Variants in CADM2 observed in about 807,000 individuals in gnomAD.
CADM2 encodes cell adhesion molecule 2.
CADM2 carries 12 observed loss-of-function variants against 49.8 expected under a neutral mutation model. That is an observed-to-expected ratio of 0.24 (90% CI 0.15 to 0.39). The LOEUF is 0.39. Ranked by LOEUF, CADM2 falls within the 10% of genes least tolerant of loss-of-function variation. The pLI is 1.00. For synonymous variants in CADM2, 214 were observed against 175.4 expected (o/e 1.22, Z -1.74); for missense variants, 378 against 492.3 (o/e 0.77, Z 2.20).
intron 1 of CADM2, among the ~76,000 whole-genome samples, chr3:85,203,493 C>G (rs2107750767): frequency 1.3e-5 from 2 of 152,016 alleles, no homozygotes; most frequent in East Asian, 3.9e-4. Context: ...GGTTGTGGTG[C>G]TCTAAAAAAG....
chr3:85,894,966 C>T (rs922675974), intron 5 of CADM2, among the ~76,000 whole-genome samples: 12 of 152,222 alleles, frequency 7.9e-5, no homozygotes, highest in African/African-American at 2.7e-4. Context: ...TGGAGAACTT[C>T]TGCTAGGGCA....
chr3:85,602,618 G>A (rs1289788479), intron 1 of CADM2, among the ~76,000 whole-genome samples: 1 of 151,736 alleles, frequency 6.6e-6, no homozygotes, highest in Non-Finnish European at 1.5e-5. Flanking sequence ...TTTTAAAATA[G>A]GACATGTATA....
chr3:85,321,091 C>CGTATATAT lies in CADM2; in HGVS notation c.61+361423_61+361424insGTATATAT, dbSNP rs1430604188. 7.7e-5 allele frequency among the ~76,000 whole-genome samples: 5 copies of CGTATATAT among 64,762 alleles called. No individual in the cohort carries two copies. In the South Asian group the frequency reaches 3.6e-3, roughly 46 times the overall value. The allele number at this position is 64,762 out of a possible 152,430, so 42.5% of individuals were successfully genotyped here. The stretch of plus-strand genomic sequence containing the variant: ...TAAATGTACTCATAATAGATATATA[C>CGTATATAT]ATATATATATATATATATATATATA... On this transcript the variant is annotated intron_variant, in intron 1 of 9. Transcript: ENST00000383699.
At chr3:85,832,771 A>AT (rs769171340) in intron 3 of CADM2, among the ~76,000 whole-genome samples, 8 of 151,690 alleles carry the variant, frequency 5.3e-5, no homozygotes, top group Admixed American at 1.3e-4. Flanking sequence ...TTGACTTCTT[A>AT]TTTTTCTATT....
intron 3 of CADM2, among the ~76,000 whole-genome samples, chr3:85,816,225 T>C (rs181595625): frequency 4.6e-5 from 7 of 151,836 alleles, no homozygotes; most frequent in South Asian, 4.2e-4. Context: ...TTTTTTTTTT[T>C]CCTTTTTTTA....
In CADM2 at chr3:85,476,897, A is replaced by AACACACAC. The variant is rs35319709; in HGVS notation, c.62-249601_62-249594dup. Among the ~76,000 whole-genome samples the AACACACAC allele has an allele frequency of 2.7e-3, 394 of 146,010 alleles. 2 individuals carry two copies. Among genetic ancestry groups the AACACACAC allele is most frequent in the African/African-American group, 9.5e-3 (378 of 39,862 alleles). On this transcript the variant is annotated intron_variant, in intron 1 of 9. Coordinates refer to ENST00000383699, the MANE Select transcript of CADM2 (RefSeq NM_001167675.2). ...AATATAGTTAATAGCAAAGATTTTA[A>AACACACAC]ACACACACACACACACACACACACA...
At chr3:86,050,713 C>A (rs184073271) in intron 8 of CADM2, among the ~76,000 whole-genome samples, 124 of 152,280 alleles carry the variant, frequency 8.1e-4, no homozygotes, top group African/African-American at 2.9e-3. Flanking sequence ...AGGCTTGCAC[C>A]CTCTGAATCA....
At chr3:85,683,809 A>G (rs1259180562) in intron 1 of CADM2, among the ~76,000 whole-genome samples, 1 of 152,178 alleles carries the variant, frequency 6.6e-6, no homozygotes, top group Non-Finnish European at 1.5e-5. Flanking sequence ...CAGGTGGTCT[A>G]AATTTTTGTC....
intron 8 of CADM2, chr3:85,993,726 C>T (rs1729047879): frequency 6.6e-6 from 1 of 152,038 alleles, no homozygotes; most frequent in Non-Finnish European, 1.5e-5. Flanking sequence ...TTATACATCT[C>T]CTTTAGAGCT....
intron 1 of CADM2, among the ~76,000 whole-genome samples, chr3:85,154,214 C>G (rs1454430535): frequency 1.3e-5 from 2 of 152,066 alleles, no homozygotes. Context: ...GAATGTATAA[C>G]TAGAATAACC....
chr3:85,218,523 T>C (rs2041979602), intron 1 of CADM2, among the ~76,000 whole-genome samples: 1 of 152,090 alleles, frequency 6.6e-6, no homozygotes, highest in Admixed American at 6.6e-5. Flanking sequence ...GGAGGTAAAG[T>C]GTACAGGCTC....
intron 1 of CADM2, among the ~76,000 whole-genome samples, chr3:85,374,327 C>T (rs929605887): frequency 1.3e-5 from 2 of 152,134 alleles, no homozygotes; most frequent in African/African-American, 4.8e-5. Flanking sequence ...CTTCCAATCT[C>T]TTTGCCAAAG....
At chr3:84,987,460 G>A (rs566142441) in intron 1 of CADM2, among the ~76,000 whole-genome samples, 3 of 152,150 alleles carry the variant, frequency 2.0e-5, no homozygotes, top group African/African-American at 7.2e-5. Flanking sequence ...CTGACATCCT[G>A]AATTCCTTTT....
In CADM2 at chr3:85,734,719, A is replaced by G. The variant is rs192989410; in HGVS notation, c.88+8171A>G. ...TATATATTTTAAATATAATGTGTAT[A>G]TCTTTTTAAATATAATATGTATACA... On this transcript the variant is annotated intron_variant, in intron 2 of 9. Coordinates refer to ENST00000383699, the MANE Select transcript of CADM2 (RefSeq NM_001167675.2). 2.0e-3 allele frequency among the ~76,000 whole-genome samples: 292 copies of G among 147,788 alleles called. 5 individuals carry two copies. The highest frequency in any genetic ancestry group is 0.019 in the Admixed American group (273 of 14,696).
intron 1 of CADM2, among the ~76,000 whole-genome samples, chr3:85,061,021 G>A (rs1312471551): frequency 6.6e-6 from 1 of 152,060 alleles, no homozygotes; most frequent in African/African-American, 2.4e-5. Flanking sequence ...CTGAAGAACT[G>A]TTAATCTTTA....
chr3:85,791,660 T>C (rs894161853), intron 2 of CADM2, among the ~76,000 whole-genome samples: 3 of 152,090 alleles, frequency 2.0e-5, no homozygotes, highest in Non-Finnish European at 2.9e-5. Flanking sequence ...GCTAGCATTG[T>C]ACTTCATTTA....
chr3:85,468,377 G>A (rs1357178967), intron 1 of CADM2, among the ~76,000 whole-genome samples: 2 of 151,948 alleles, frequency 1.3e-5, no homozygotes, highest in Non-Finnish European at 2.9e-5. Flanking sequence ...GTGCCCTGTG[G>A]TGGGATGGTG....
intron 2 of CADM2, among the ~76,000 whole-genome samples, chr3:85,763,950 C>T (rs1376861490): frequency 6.6e-6 from 1 of 152,046 alleles, no homozygotes; most frequent in Non-Finnish European, 1.5e-5. Flanking sequence ...TCTGCCTTGG[C>T]TTACAAGAAC....
intron 1 of CADM2, among the ~76,000 whole-genome samples, chr3:85,637,917 G>A (rs553318514): frequency 6.6e-6 from 1 of 152,232 alleles, no homozygotes; most frequent in East Asian, 1.9e-4. Flanking sequence ...ATATAATTAA[G>A]TCTAATCAAA....
Sources: allele counts gnomAD v4.1 joint callset (sites outside exome capture counted in the v4.1 genomes callset), GRCh38; gene constraint gnomAD v4.1.1; transcripts MANE v1.5; gene names NCBI Gene and HGNC (gene_info 2026-07-23, HGNC 2026-07-21).